The following ADAMTSL3 variants were observed in gnomAD, a reference collection of about 807,000 sequenced individuals.
ADAMTSL3 encodes ADAMTS like 3, also known as ADAMTS-like protein 3.
ADAMTSL3 carries 128 observed loss-of-function variants against 201.7 expected under a neutral mutation model. That is an observed-to-expected ratio of 0.63 (90% confidence interval 0.55 to 0.73). The LOEUF is 0.73. Among genes scored for constraint, ADAMTSL3 ranks in the 30% least tolerant of loss-of-function variants. ADAMTSL3 has a pLI of 0.00. For missense variants in ADAMTSL3, 1,990 were observed against 2,119.6 expected, an observed-to-expected ratio of 0.94 and a Z score of 1.20; for synonymous variants, 738 against 748.4, an observed-to-expected ratio of 0.99 and a Z score of 0.23.
intron 3 of ADAMTSL3, among the ~76,000 whole-genome samples, chr15:83,705,168 A>G (rs1399489998): frequency 6.6e-6 from 1 of 152,182 alleles, no homozygotes; most frequent in Non-Finnish European, 1.5e-5. Context: ...TGAAACAGAG[A>G]GTTTCAACTT....
At chr15:83,851,901 C>A (rs1422647149) in intron 7 of ADAMTSL3, among the ~76,000 whole-genome samples, 1 of 152,188 alleles carries the variant, frequency 6.6e-6, no homozygotes, top group Non-Finnish European at 1.5e-5. Flanking sequence ...CTACCATCCA[C>A]AAACTCCTAA....
At chr15:83,699,452 C>G (rs2061737072) in intron 2 of ADAMTSL3, among the ~76,000 whole-genome samples, 1 of 152,272 alleles carries the variant, frequency 6.6e-6, no homozygotes, top group African/African-American at 2.4e-5. Context: ...TGCACCTCTC[C>G]CCTTCTCTAC....
chr15:83,884,246 T>C (rs981573337), intron 9 of ADAMTSL3, among the ~76,000 whole-genome samples: 1 of 151,990 alleles, frequency 6.6e-6, no homozygotes, highest in Non-Finnish European at 1.5e-5. Context: ...ATATTTATAG[T>C]GTATAACATG....
intron 17 of ADAMTSL3, among the ~76,000 whole-genome samples, chr15:83,935,831 G>T (rs1413960924): frequency 6.6e-6 from 1 of 152,058 alleles, no homozygotes; most frequent in Non-Finnish European, 1.5e-5. Context: ...TGTCAACAAA[G>T]TAGTCTTATA....
intron 9 of ADAMTSL3, among the ~76,000 whole-genome samples, chr15:83,872,701 T>A (rs1351951823): frequency 6.8e-6 from 1 of 146,400 alleles, no homozygotes; most frequent in Non-Finnish European, 1.5e-5. Context: ...GGTCCTTGAC[T>A]GAATAGGAGA....
intron 20 of ADAMTSL3, among the ~76,000 whole-genome samples, chr15:83,974,427 A>C (rs1488181172): frequency 1.3e-5 from 2 of 152,208 alleles, no homozygotes; most frequent in Non-Finnish European, 2.9e-5. Flanking sequence ...ACACACTAAA[A>C]GCTCAAAAAT....
intron 15 of ADAMTSL3, among the ~76,000 whole-genome samples, chr15:83,912,676 T>A (rs2065954322): frequency 6.6e-6 from 1 of 152,232 alleles, no homozygotes; most frequent in Non-Finnish European, 1.5e-5. Context: ...TTAATACTAC[T>A]CTGCCCATTA....
chr15:83,770,959 C>T (rs548327557), intron 3 of ADAMTSL3, among the ~76,000 whole-genome samples: 2 of 152,154 alleles, frequency 1.3e-5, no homozygotes, highest in South Asian at 4.2e-4. Flanking sequence ...CCCAGCTACT[C>T]AGGAGGCTGG....
chr15:83,674,052 G>GTTT (rs35560182), intron 2 of ADAMTSL3, among the ~76,000 whole-genome samples: 17 of 136,664 alleles, frequency 1.2e-4, no homozygotes, highest in Non-Finnish European at 1.9e-4. Context: ...TTATTTTTAT[G>GTTT]TTTTTTTTTT....
At chr15:83,661,747 C>G (rs2061167741) in intron 2 of ADAMTSL3, among the ~76,000 whole-genome samples, 1 of 151,410 alleles carries the variant, frequency 6.6e-6, no homozygotes, top group African/African-American at 2.4e-5. Flanking sequence ...ACAACCCCAT[C>G]AAAAAGTGGG....
At chr15:84,009,671 A>G (rs898283864) in intron 23 of ADAMTSL3, among the ~76,000 whole-genome samples, 15 of 152,214 alleles carry the variant, frequency 9.9e-5, no homozygotes, top group African/African-American at 2.2e-4. Flanking sequence ...GCTTACATTC[A>G]TAATTGATAG....
intron 4 of ADAMTSL3, among the ~76,000 whole-genome samples, chr15:83,778,632 AG>A (rs1185263218): frequency 6.6e-6 from 1 of 152,248 alleles, no homozygotes; most frequent in Non-Finnish European, 1.5e-5. Flanking sequence ...AAATATGGAA[AG>A]GAAAGACCAT....
intron 2 of ADAMTSL3, among the ~76,000 whole-genome samples, chr15:83,677,597 A>G (rs1439949898): frequency 1.3e-5 from 2 of 152,070 alleles, no homozygotes; most frequent in Non-Finnish European, 2.9e-5. Context: ...ACTATGAAAT[A>G]TATTATTAGC....
intron 13 of ADAMTSL3, 36 bp from the exon 14 acceptor site, chr15:83,897,822 A>C (rs2065647383): frequency 1.3e-6 from 2 of 1,548,128 alleles, no homozygotes; most frequent in Admixed American, 1.9e-5. Flanking sequence ...GGTTCTCTTA[A>C]AAGAAATGCG....
At chr15:83,768,321 A>T (rs529907426) in intron 3 of ADAMTSL3, among the ~76,000 whole-genome samples, 7 of 152,336 alleles carry the variant, frequency 4.6e-5, no homozygotes, top group African/African-American at 1.7e-4. Context: ...AGAGTCAAAC[A>T]GCTTTTAACT....
chr15:83,791,644 G>A (rs539623030), intron 4 of ADAMTSL3, among the ~76,000 whole-genome samples: 98 of 152,250 alleles, frequency 6.4e-4, no homozygotes, highest in African/African-American at 2.3e-3. Flanking sequence ...AGATCACGAG[G>A]TCAGGAGATC....
intron 3 of ADAMTSL3, among the ~76,000 whole-genome samples, chr15:83,714,793 C>CTTTCTTTCTT (rs1315219559): frequency 2.6e-4 from 15 of 57,880 alleles, no homozygotes; most frequent in South Asian, 6.9e-4. Flanking sequence ...CTTTTTCTTT[C>CTTTCTTTCTT]TCTCTCTTTC....
intron 27 of ADAMTSL3, among the ~76,000 whole-genome samples, chr15:84,028,343 T>TA (rs2068347109): frequency 6.6e-6 from 1 of 152,166 alleles, no homozygotes; most frequent in Non-Finnish European, 1.5e-5. Context: ...ACTCAGAACA[T>TA]ACACCAAAAT....
intron 19 of ADAMTSL3, among the ~76,000 whole-genome samples, chr15:83,961,063 T>A (rs558607987): frequency 6.6e-6 from 1 of 152,146 alleles, no homozygotes; most frequent in Non-Finnish European, 1.5e-5. Flanking sequence ...AAAGTGAGGT[T>A]TGAGTTCAAA....
Sources: gnomAD v4.1 joint callset for allele counts (sites outside exome capture counted in the v4.1 genomes callset) on GRCh38, gnomAD v4.1.1 for gene constraint, MANE v1.5 for transcripts, NCBI Gene and HGNC (gene_info 2026-07-23, HGNC 2026-07-21) for gene names.